The following ULK1 variants were observed in gnomAD, a reference collection of about 807,000 sequenced individuals.
ULK1 encodes serine/threonine-protein kinase ULK1.
In ULK1, 48 loss-of-function variants were observed where a neutral mutation model predicts 117.5. The observed-to-expected ratio is 0.41, with a 90% CI of 0.32 to 0.52. The LOEUF (loss-of-function observed/expected upper bound fraction) is 0.52. Among genes scored for constraint, ULK1 ranks in the 20% least tolerant of loss-of-function variants. The pLI, the probability that ULK1 is intolerant of heterozygous loss-of-function variation, is 0.29. For synonymous variants in ULK1, 790 were observed against 637.8 expected (o/e 1.24, Z -3.60); for missense variants, 1,387 against 1,473.4 (o/e 0.94, Z 0.96).
At chr12:131,918,721 AGG>A in intron 23 of ULK1, 40 bp downstream of exon 23, 2 of 1,089,358 alleles carry the variant, frequency 1.8e-6, no homozygotes, top group Non-Finnish European at 2.3e-6. Context: ...TTCTGGCTGG[AGG>A]GTGTGTGGGG....
chr12:131,917,958 G>A (rs1386883889), intron 22 of ULK1, among the ~76,000 whole-genome samples: 1 of 152,216 alleles, frequency 6.6e-6, no homozygotes, highest in African/African-American at 2.4e-5. Context: ...AGTGGTGTGT[G>A]GGGATGCTCT....
At chr12:131,907,456 G>A in intron 4 of ULK1, 39 bp from the exon 5 acceptor site, 1 of 1,609,392 alleles carries the variant, frequency 6.2e-7, no homozygotes, top group Non-Finnish European at 8.5e-7. Flanking sequence ...GTGGGCCCTG[G>A]GCCCTGCTGC....
At chr12:131,895,954 C>G in intron 3 of ULK1, 130 bp downstream of exon 3, 1 of 1,189,982 alleles carries the variant, frequency 8.4e-7, no homozygotes, top group Non-Finnish European at 1.2e-6. Flanking sequence ...GGAGACTCCA[C>G]CCTGGGTCCA....
At chr12:131,913,104 G>A (rs1889613093) in intron 13 of ULK1, 94 bp from the exon 14 acceptor site, 2 of 1,209,898 alleles carry the variant, frequency 1.7e-6, no homozygotes, top group Admixed American at 3.2e-5. Context: ...GCAAGGTGGA[G>A]TGTGCGTGGG....
intron 3 of ULK1, among the ~76,000 whole-genome samples, chr12:131,900,926 G>C (rs1368399336): frequency 6.6e-6 from 1 of 152,210 alleles, no homozygotes; most frequent in Admixed American, 6.5e-5. Context: ...GTTGGGGCAG[G>C]ATGCAGGCCG....
Position 131,914,349 on chromosome 12 carries a change from C to T in ULK1, c.1248-3C>T, listed in dbSNP as rs1889677390. 6.2e-7 allele frequency: 1 copy of T among 1,609,358 alleles called. No individual in the cohort carries two copies. Among genetic ancestry groups the T allele is most frequent in the Non-Finnish European group, 8.5e-7 (1 of 1,179,888 alleles). On this transcript the variant is annotated splice_region_variant and splice_polypyrimidine_tract_variant and intron_variant, in intron 15 of 27. Coordinates refer to ENST00000321867, the MANE Select transcript of ULK1 (RefSeq NM_003565.4). ...TCATGATCCTGACCTCTCTCCACCACAGCCGGGCTGGCCCGTTCTCCAGCA... is the reference window on the plus strand; with the variant it reads ...TCATGATCCTGACCTCTCTCCACCATAGCCGGGCTGGCCCGTTCTCCAGCA...
intron 3 of ULK1, among the ~76,000 whole-genome samples, chr12:131,904,882 C>T (rs549512573): frequency 6.6e-6 from 1 of 152,232 alleles, no homozygotes; most frequent in African/African-American, 2.4e-5. Flanking sequence ...GCTTCATCTC[C>T]CCCTCCTTCC....
intron 3 of ULK1, among the ~76,000 whole-genome samples, chr12:131,898,746 C>A (rs1268913675): frequency 6.6e-6 from 1 of 152,076 alleles, no homozygotes; most frequent in Non-Finnish European, 1.5e-5. Context: ...ATCCACCCAC[C>A]TCGGCCTCCC....
At chr12:131,911,791 C>A (rs564969286) in intron 12 of ULK1, 151 bp from the exon 13 acceptor site, 3 of 1,088,478 alleles carry the variant, frequency 2.8e-6, no homozygotes, top group African/African-American at 1.6e-5. Context: ...CAGAGAAGAG[C>A]GGAGCACAGG....
intron 1 of ULK1, 116 bp downstream of exon 1, chr12:131,895,228 G>C: frequency 8.0e-6 from 5 of 626,842 alleles, no homozygotes; most frequent in Non-Finnish European, 1.1e-5. Flanking sequence ...AGCCCCACTC[G>C]ACTTTCCAGG....
At chr12:131,916,370 A>G (rs1236926158) in intron 19 of ULK1, 28 bp from the exon 20 acceptor site, 3 of 1,536,442 alleles carry the variant, frequency 2.0e-6, no homozygotes, top group Admixed American at 2.1e-5. Flanking sequence ...CCTGCGGGGC[A>G]GTCTTCACCC....
At chr12:131,916,361 C>T in intron 19 of ULK1, 37 bp from the exon 20 acceptor site, 1 of 1,533,216 alleles carries the variant, frequency 6.5e-7, no homozygotes, top group Non-Finnish European at 8.8e-7. Flanking sequence ...GGCTGCAGAC[C>T]TGCGGGGCAG....
rs775907069 is a variant in ULK1 at position 131,915,245 on chromosome 12, C to G, written c.1522+14C>G. The G allele has an allele frequency of 6.2e-7, 1 of 1,604,228 alleles. No individual in the cohort carries two copies. The highest frequency in any genetic ancestry group is 1.1e-5 in the South Asian group (1 of 89,876). Reference sequence around the variant, plus strand: ...CATCTCCTCAAGGTGCGCCTGCAGGCTGGGGCCTGGGAAGGGGCGTCTGTA... The same window carrying G: ...CATCTCCTCAAGGTGCGCCTGCAGGGTGGGGCCTGGGAAGGGGCGTCTGTA... On this transcript the variant is annotated intron_variant, in intron 17 of 27. Transcript: ENST00000321867.
intron 15 of ULK1, 94 bp downstream of exon 15, chr12:131,913,930 T>C: frequency 8.6e-7 from 1 of 1,157,506 alleles, no homozygotes; most frequent in South Asian, 2.0e-5. Flanking sequence ...CCAGGCCTGC[T>C]GTGTCCAGAG....
intron 20 of ULK1, 127 bp downstream of exon 20, chr12:131,916,718 G>C (rs1889805510): frequency 7.9e-7 from 1 of 1,260,010 alleles, no homozygotes; most frequent in Admixed American, 3.0e-5. Flanking sequence ...TGGGTGCCCA[G>C]TGTGGCTGGG....
intron 13 of ULK1, 105 bp from the exon 14 acceptor site, chr12:131,913,093 T>A: frequency 1.8e-6 from 2 of 1,121,502 alleles, no homozygotes. Context: ...CTGAGGCCCC[T>A]GCAAGGTGGA....
chr12:131,896,033 C>G (rs891830859), intron 3 of ULK1, among the ~76,000 whole-genome samples: 1 of 152,190 alleles, frequency 6.6e-6, no homozygotes, highest in Non-Finnish European at 1.5e-5. Flanking sequence ...GTGTCTGGGC[C>G]GCAGGGCGCC....
intron 13 of ULK1, among the ~76,000 whole-genome samples, chr12:131,912,784 C>T (rs1889598345): frequency 6.6e-6 from 1 of 152,166 alleles, no homozygotes; most frequent in East Asian, 1.9e-4. Context: ...AAGACGGACA[C>T]CAGGGGTAGG....
chr12:131,895,852 G>C (rs1888844530), intron 3 of ULK1, 28 bp downstream of exon 3: 1 of 1,613,634 alleles, frequency 6.2e-7, no homozygotes, highest in Admixed American at 1.7e-5. Context: ...CGGTCTGCTG[G>C]GGACCGGGCT....
Sources: allele counts gnomAD v4.1 joint callset (sites outside exome capture counted in the v4.1 genomes callset), GRCh38; gene constraint gnomAD v4.1.1; transcripts MANE v1.5; gene names NCBI Gene and HGNC (gene_info 2026-07-23, HGNC 2026-07-21).